SLTM: variants seen among roughly 807,000 people sequenced by gnomAD.
The protein encoded by SLTM is SAFB-like transcription modulator.
SLTM carries 43 observed loss-of-function variants against 134.6 expected under a neutral mutation model. The ratio of observed to expected loss-of-function variants is 0.32; its 90% CI spans 0.25 to 0.41. The LOEUF (loss-of-function observed/expected upper bound fraction) is 0.41, where lower values mean the gene tolerates loss of function less well. Ranked by LOEUF, SLTM falls within the 10% of genes least tolerant of loss-of-function variation. SLTM has a pLI of 1.00. For synonymous variants in SLTM, 424 were observed against 432.3 expected, an observed-to-expected ratio of 0.98 and a Z score of 0.24; for missense variants, 1,055 against 1,288.8, an observed-to-expected ratio of 0.82 and a Z score of 2.78.
chr15:58,909,033 C>G (rs866716061), intron 5 of SLTM, among the ~76,000 whole-genome samples: 4 of 152,084 alleles, frequency 2.6e-5, no homozygotes, highest in African/African-American at 4.8e-5. Context: ...TTGAAAAGAC[C>G]TAGAAACAAT....
rs1324982110 is a variant in SLTM, at chr15:58,894,201, G to A, written c.1378-8C>T. On this transcript the variant is annotated splice_polypyrimidine_tract_variant and splice_region_variant and intron_variant, in intron 10 of 20. Coordinates refer to ENST00000380516, the MANE Select transcript of SLTM (RefSeq NM_024755.4). ...AGAGGGATCACCTTTTACCTGAAAG[G>A]TTCGAACCAGAAAAACAATTTGTAC... The A allele has an allele frequency of 1.3e-6, 2 of 1,584,742 alleles. No homozygotes were observed. Among genetic ancestry groups the A allele is most frequent in the East Asian group, 2.2e-5 (1 of 44,674 alleles).
At chr15:58,912,770 T>TA in intron 4 of SLTM, 160 bp from the exon 5 acceptor site, 1 of 571,824 alleles carries the variant, frequency 1.7e-6, no homozygotes, top group Non-Finnish European at 3.1e-6. Flanking sequence ...CTATATTTTT[T>TA]ATGCCAAAAA....
intron 20 of SLTM, among the ~76,000 whole-genome samples, chr15:58,883,146 C>A (rs1397910519): frequency 1.3e-5 from 2 of 152,018 alleles, no homozygotes; most frequent in Non-Finnish European, 2.9e-5. Flanking sequence ...GAAACCCTGT[C>A]TCTACTAAAA....
In SLTM at chr15:58,887,086, T is replaced by C. The variant is rs758840293; in HGVS notation, c.2724A>G (p.Val908=). 21 of 1,614,122 alleles carry C rather than the reference T, an allele frequency of 1.3e-5. No homozygotes were observed. The South Asian group carries it at 1.8e-4, about 14-fold the overall frequency. ...GAGCGCCTCTCACACTGTGCCCTGA[T>C]ACTTCTCTCCCAGATCGTTCTGGCC... The part of the protein sequence containing the change: ...VERPERSGRE[V]SGHSVRGAPP... The change falls in exon 19 of 21, where the codon GTA becomes GTG. Residue 908 remains valine (V), a synonymous_variant. Coordinates refer to ENST00000380516, the MANE Select transcript of SLTM (RefSeq NM_024755.4).
chr15:58,916,017 A>G (rs2036617701), intron 3 of SLTM, among the ~76,000 whole-genome samples: 2 of 152,208 alleles, frequency 1.3e-5, no homozygotes, highest in South Asian at 2.1e-4. Context: ...AGCTTGTTCT[A>G]TAGCTGTAGT....
chr15:58,902,487 G>C (rs1006186992), intron 5 of SLTM, among the ~76,000 whole-genome samples: 17 of 151,058 alleles, frequency 1.1e-4, no homozygotes, highest in African/African-American at 4.1e-4. Flanking sequence ...CTGGGCTCAA[G>C]TGATCCTCCT....
intron 9 of SLTM, 124 bp downstream of exon 9, chr15:58,896,991 T>C (rs1733038924): frequency 8.3e-6 from 5 of 599,226 alleles, no homozygotes; most frequent in Non-Finnish European, 1.2e-5. Context: ...TCAATAATTA[T>C]GTCTATTAAC....
chr15:58,913,653 T>G lies in SLTM; in HGVS notation c.359A>C (p.Asn120Thr). 1 of 1,613,724 alleles carries G rather than the reference T, an allele frequency of 6.2e-7. No individual in the cohort carries two copies. The highest frequency in any genetic ancestry group is 1.7e-5 in the Admixed American group (1 of 60,020). Reference protein sequence around the residue: ...ENQEAHEQDGNDELKDSEEFG... With the variant: ...ENQEAHEQDGTDELKDSEEFG... ...TTCTTCAGAGTCCTTTAGTTCATCA[T>G]TTCCATCTTGCTCATGTGCCTCTTG... is the stretch of plus-strand genomic sequence containing the variant. Residue 120 changes from asparagine to threonine, a missense_variant, in exon 4 of 21, where the codon AAT (asparagine) becomes ACT (threonine). By Grantham distance (65) the Asn-to-Thr change is moderately conservative (BLOSUM62 0). Coordinates refer to ENST00000380516, the MANE Select transcript of SLTM (RefSeq NM_024755.4).
rs572016491 is a variant in SLTM, at chr15:58,909,151, G to A, written c.561+3412C>T. Among the ~76,000 whole-genome samples, 18 of 152,272 alleles carry A rather than the reference G, an allele frequency of 1.2e-4. No individual in the cohort carries two copies. The East Asian group carries it at 2.1e-3, about 18-fold the overall frequency. On this transcript the variant is annotated intron_variant, in intron 5 of 20. Coordinates refer to ENST00000380516, the MANE Select transcript of SLTM (RefSeq NM_024755.4). Reference sequence around the variant, plus strand: ...TAATTATAGGTCTAGAGCAGGAAATGGCACATCTTTACATACCAGCAAGCA... The same window carrying A: ...TAATTATAGGTCTAGAGCAGGAAATAGCACATCTTTACATACCAGCAAGCA...
At chr15:58,906,759 T>C (rs1469491460) in intron 5 of SLTM, among the ~76,000 whole-genome samples, 2 of 152,190 alleles carry the variant, frequency 1.3e-5, no homozygotes, top group African/African-American at 2.4e-5. Flanking sequence ...ACTCAAAAAA[T>C]ACTTGTTGAA....
At chr15:58,889,617 T>C (rs763197931) in intron 15 of SLTM, 63 bp from the exon 16 acceptor site, 140 of 1,594,478 alleles carry the variant, frequency 8.8e-5, no homozygotes, top group Non-Finnish European at 7.2e-5. Context: ...TAAGTATACA[T>C]GCAACCTTGT....
chr15:58,910,362 T>C (rs778413795), intron 5 of SLTM, among the ~76,000 whole-genome samples: 5 of 152,226 alleles, frequency 3.3e-5, no homozygotes, highest in South Asian at 2.1e-4. Context: ...GATACATTTA[T>C]GTTTCTAGAT....
At chr15:58,893,776 G>A (rs2034850742) in intron 12 of SLTM, 45 bp downstream of exon 12, 1 of 1,550,246 alleles carries the variant, frequency 6.5e-7, no homozygotes, top group Admixed American at 2.1e-5. Context: ...TAAAAATTAA[G>A]TAGTAGAATG....
intron 3 of SLTM, among the ~76,000 whole-genome samples, chr15:58,915,734 A>G (rs2036591437): frequency 6.6e-6 from 1 of 151,878 alleles, no homozygotes; most frequent in Non-Finnish European, 1.5e-5. Flanking sequence ...CAGCGTGGAG[A>G]GTGAAGAGAG....
chr15:58,900,626 T>C (rs2035411475), intron 6 of SLTM: 1 of 152,612 alleles, frequency 6.6e-6, no homozygotes, highest in Non-Finnish European at 1.5e-5. Context: ...ATTTCATCAC[T>C]GCTTCTAGGC....
intron 14 of SLTM, among the ~76,000 whole-genome samples, chr15:58,890,786 G>A (rs868222120): frequency 6.6e-6 from 1 of 152,150 alleles, no homozygotes; most frequent in Middle Eastern, 3.2e-3. Context: ...ATCTGCATAT[G>A]TAAATTTACA....
At chr15:58,896,073 C>T (rs115591857) in intron 9 of SLTM, among the ~76,000 whole-genome samples, 164 of 152,192 alleles carry the variant, frequency 1.1e-3, no homozygotes, top group Middle Eastern at 6.8e-3. Context: ...TATTGAGAGC[C>T]GTCAGGGATG....
intron 8 of SLTM, 190 bp from the exon 9 acceptor site, chr15:58,897,423 T>C: frequency 2.0e-6 from 1 of 502,612 alleles, no homozygotes. Flanking sequence ...TGAACGTATG[T>C]ACATTTCCTA....
At chr15:58,911,266 T>C (rs1363154387) in intron 5 of SLTM, among the ~76,000 whole-genome samples, 2 of 152,188 alleles carry the variant, frequency 1.3e-5, no homozygotes, top group Admixed American at 1.3e-4. Context: ...GGCAAGAGTG[T>C]TGCAGAAAAG....
Sources: allele counts gnomAD v4.1 joint callset (sites outside exome capture counted in the v4.1 genomes callset), GRCh38; gene constraint gnomAD v4.1.1; transcripts MANE v1.5; gene names NCBI Gene and HGNC (gene_info 2026-07-23, HGNC 2026-07-21).